CSMD1: variants seen among roughly 807,000 people sequenced by gnomAD.
CSMD1 encodes CUB and Sushi multiple domains 1, also known as CUB and sushi domain-containing protein 1.
Under a neutral mutation model 417.5 loss-of-function variants are expected in CSMD1, and 213 were observed. The observed-to-expected ratio is 0.51, with a 90% CI of 0.46 to 0.57. The LOEUF (loss-of-function observed/expected upper bound fraction) is 0.57, where lower values mean the gene tolerates loss of function less well. Ranked by LOEUF, CSMD1 falls within the 20% of genes least tolerant of loss-of-function variation. The pLI, the probability that CSMD1 is intolerant of heterozygous loss-of-function variation, is 0.00. For missense variants in CSMD1, 6,923 were observed against 4,529.7 expected (o/e 1.53, Z -15.17); for synonymous variants, 2,862 against 1,736.8 (o/e 1.65, Z -16.11).
At chr8:3,313,666 T>C (rs1282889146) in intron 23 of CSMD1, among the ~76,000 whole-genome samples, 1 of 152,176 alleles carries the variant, frequency 6.6e-6, no homozygotes. Context: ...TTTCACACTG[T>C]TGGTGGGACT....
At chr8:4,036,051 T>A (rs59921068) in intron 3 of CSMD1, among the ~76,000 whole-genome samples, 1 of 152,178 alleles carries the variant, frequency 6.6e-6, no homozygotes, top group Non-Finnish European at 1.5e-5. Flanking sequence ...GACCATTATG[T>A]TATAGTTGCC....
At chr8:4,868,099 T>G (rs1391004021) in intron 1 of CSMD1, among the ~76,000 whole-genome samples, 2 of 152,042 alleles carry the variant, frequency 1.3e-5, no homozygotes, top group Non-Finnish European at 2.9e-5. Flanking sequence ...TAAAACGACC[T>G]CTCACCAAAC....
chr8:3,377,564 C>A (rs78879372), intron 18 of CSMD1, among the ~76,000 whole-genome samples: 2,953 of 152,204 alleles, frequency 0.019, 97 homozygotes, highest in African/African-American at 0.067. Context: ...TCTTTTTGGT[C>A]TATTCCCACT....
At chr8:3,614,822 C>G (rs997469633) in intron 8 of CSMD1, among the ~76,000 whole-genome samples, 1 of 152,100 alleles carries the variant, frequency 6.6e-6, no homozygotes, top group African/African-American at 2.4e-5. Context: ...ATTCTGGAGA[C>G]GCTTAAGACA....
chr8:3,399,474 C>A lies in CSMD1; in HGVS notation c.2322G>T (p.Trp774Cys). 1 of 1,608,822 alleles carries A rather than the reference C, an allele frequency of 6.2e-7. No homozygotes were observed. Among genetic ancestry groups the A allele is most frequent in the Non-Finnish European group, 8.5e-7 (1 of 1,177,140 alleles). Reference sequence around the variant, plus strand: ...GTAAAGAATCCTTATAATATCCTGGCCATCCAGGAGGCAAAATGACTCCGC... The same window carrying A: ...GTAAAGAATCCTTATAATATCCTGGACATCCAGGAGGCAAAATGACTCCGC... ...ASSGVILPPG[W>C]PGYYKDSLHC... Residue 774 changes from tryptophan (W) to cysteine (C), a missense_variant, in exon 16 of 70, where the codon TGG becomes TGT. Physicochemically the swap from Trp to Cys is radical, Grantham distance 215. Coordinates refer to ENST00000635120, the MANE Select transcript of CSMD1 (RefSeq NM_033225.6).
At chr8:3,322,699 G>T (rs1563271403) in intron 23 of CSMD1, among the ~76,000 whole-genome samples, 1 of 152,192 alleles carries the variant, frequency 6.6e-6, no homozygotes. Flanking sequence ...CTTCATGGCA[G>T]TGGAGTCCAC....
rs570280610 is a variant in CSMD1, at chr8:4,026,591, G to A, written c.610+5314C>T. On this transcript the variant is annotated intron_variant, in intron 4 of 69. Coordinates refer to ENST00000635120, the MANE Select transcript of CSMD1 (RefSeq NM_033225.6). ...AGTTTTAATGTCACAAGGAACTAAG[G>A]ACACTGCCACTCACAGTTTTAATGG... Among the ~76,000 whole-genome samples the A allele has an allele frequency of 5.9e-5, 9 of 152,332 alleles. No homozygotes were observed. In the South Asian group the frequency reaches 1.9e-3, roughly 32 times the overall value.
intron 3 of CSMD1, among the ~76,000 whole-genome samples, chr8:4,208,589 G>A (rs1219065119): frequency 6.6e-6 from 1 of 151,956 alleles, no homozygotes; most frequent in Non-Finnish European, 1.5e-5. Flanking sequence ...TTTTCCTACT[G>A]AAATTAATGT....
intron 16 of CSMD1, among the ~76,000 whole-genome samples, chr8:3,397,327 G>C (rs971782299): frequency 6.6e-6 from 1 of 152,180 alleles, no homozygotes; most frequent in Non-Finnish European, 1.5e-5. Flanking sequence ...AAACTTGGGA[G>C]AGGGGAAGCA....
At chr8:4,557,463 T>G (rs148335238) in intron 2 of CSMD1, among the ~76,000 whole-genome samples, 62 of 152,224 alleles carry the variant, frequency 4.1e-4, no homozygotes, top group African/African-American at 1.5e-3. Flanking sequence ...AAATACATTT[T>G]TAAAAGCACA....
In CSMD1 at chr8:2,959,837, G is replaced by C. The variant is rs563804478; in HGVS notation, c.9702+1304C>G. Reference sequence around the variant, plus strand: ...AAAGGAAGAAATAAAAACATTTGGGGAGAGCTGCATTTCATGGTCTCAACC... The same window carrying C: ...AAAGGAAGAAATAAAAACATTTGGGCAGAGCTGCATTTCATGGTCTCAACC... On this transcript the variant is annotated intron_variant, in intron 62 of 69. Coordinates refer to ENST00000635120, the MANE Select transcript of CSMD1 (RefSeq NM_033225.6). Among the ~76,000 whole-genome samples, 3 of 152,284 alleles carry C rather than the reference G, an allele frequency of 2.0e-5. No homozygotes were observed. The South Asian group carries it at 6.2e-4, about 32-fold the overall frequency.
chr8:3,996,182 TG>T (rs1241669467), intron 5 of CSMD1, among the ~76,000 whole-genome samples: 1 of 145,542 alleles, frequency 6.9e-6, no homozygotes, highest in East Asian at 2.0e-4. Context: ...CGGCCTCACT[TG>T]CTTCTACCTC....
At chr8:3,118,952 G>A (rs193245994) in intron 41 of CSMD1, among the ~76,000 whole-genome samples, 156 of 152,228 alleles carry the variant, frequency 1.0e-3, no homozygotes, top group Admixed American at 2.3e-3. Context: ...AGGCCGAGGC[G>A]GGAGGATCAC....
At chr8:4,940,470 G>A (rs145421314) in intron 1 of CSMD1, among the ~76,000 whole-genome samples, 1 of 152,310 alleles carries the variant, frequency 6.6e-6, no homozygotes, top group East Asian at 1.9e-4. Flanking sequence ...GTTGGGAAGG[G>A]CATGGTCTGT....
intron 1 of CSMD1, among the ~76,000 whole-genome samples, chr8:4,868,187 G>A (rs917559451): frequency 6.6e-6 from 1 of 152,030 alleles, no homozygotes; most frequent in African/African-American, 2.4e-5. Flanking sequence ...TATGCAAACT[G>A]TTTAGAAAAA....
intron 2 of CSMD1, among the ~76,000 whole-genome samples, chr8:4,480,299 A>G (rs931820890): frequency 2.0e-5 from 3 of 152,172 alleles, no homozygotes; most frequent in African/African-American, 7.2e-5. Flanking sequence ...AATTTGCACA[A>G]ATCACTTAAC....
At position 4,596,423 on chromosome 8, in the gene CSMD1, T is replaced by C. The variant is rs1013358168; in HGVS notation, c.302+40919A>G. Among the ~76,000 whole-genome samples the C allele has an allele frequency of 2.0e-5, 3 of 152,294 alleles. No individual in the cohort carries two copies. In the South Asian group the frequency reaches 6.2e-4, roughly 32 times the overall value. On this transcript the variant is annotated intron_variant, in intron 2 of 69. Coordinates refer to ENST00000635120, the MANE Select transcript of CSMD1 (RefSeq NM_033225.6). ...TCAAAGACAATTTTCTATTCATTTC[T>C]AAACAAATATAGCAATTTTGATCAT...
At chr8:3,428,837 T>A (rs1179999427) in intron 12 of CSMD1, among the ~76,000 whole-genome samples, 1 of 152,066 alleles carries the variant, frequency 6.6e-6, no homozygotes, top group African/African-American at 2.4e-5. Flanking sequence ...ATGGTAAAAA[T>A]GTGGAATACT....
chr8:4,133,862 T>C (rs1458465781), intron 3 of CSMD1, among the ~76,000 whole-genome samples: 1 of 152,158 alleles, frequency 6.6e-6, no homozygotes, highest in Non-Finnish European at 1.5e-5. Context: ...GGGTTACACA[T>C]ATAAAGACAG....
Sources: gnomAD v4.1 joint callset for allele counts (sites outside exome capture counted in the v4.1 genomes callset) on GRCh38, gnomAD v4.1.1 for gene constraint, MANE v1.5 for transcripts, NCBI Gene and HGNC (gene_info 2026-07-23, HGNC 2026-07-21) for gene names.